Variants in YARS1 observed in about 807,000 individuals in gnomAD.
The protein encoded by YARS1 is tyrosyl-tRNA synthetase 1, also known as tyrosine--tRNA ligase, cytoplasmic.
Under a neutral mutation model 62.2 loss-of-function variants are expected in YARS1, and 36 were observed. The observed-to-expected ratio is 0.58, with a 90% CI of 0.44 to 0.76. The LOEUF (loss-of-function observed/expected upper bound fraction) is 0.76. Ranked by LOEUF, YARS1 falls within the 30% of genes least tolerant of loss-of-function variation. The pLI is 0.00. For missense variants in YARS1, 524 were observed against 639.8 expected, an observed-to-expected ratio of 0.82 and a Z score of 1.95; for synonymous variants, 234 against 244.9, an observed-to-expected ratio of 0.96 and a Z score of 0.42.
chr1:32,810,811 T>C lies in YARS1; in HGVS notation c.205-45A>G, dbSNP rs774326296. On this transcript the variant is annotated intron_variant, in intron 2 of 12. Transcript: ENST00000373477. The stretch of plus-strand genomic sequence containing the variant: ...CCACCAAAATGTGAATTTGTCCAAT[T>C]ACCTCCAACCTGTCTCCTCCAGCCC... The C allele has an allele frequency of 7.9e-5, 128 of 1,614,110 alleles. No individual in the cohort carries two copies. In the Admixed American group the frequency reaches 1.1e-3, roughly 14 times the overall value.
chr1:32,781,045 T>C lies in YARS1; in HGVS notation c.1140+3A>G. ...TCTCTGAGATGTGGTGAAAAATGAGTACCTTCTCCACAGTGATGATTTTCC... is the reference window on the plus strand; with the variant it reads ...TCTCTGAGATGTGGTGAAAAATGAGCACCTTCTCCACAGTGATGATTTTCC... On this transcript the variant is annotated splice_donor_region_variant and intron_variant, in intron 10 of 12. Coordinates refer to ENST00000373477, the MANE Select transcript of YARS1 (RefSeq NM_003680.4). 1 of 1,613,694 alleles carries C rather than the reference T, an allele frequency of 6.2e-7. No individual in the cohort carries two copies. Among genetic ancestry groups the C allele is most frequent in the Non-Finnish European group, 8.5e-7 (1 of 1,179,580 alleles).
At chr1:32,787,635 G>C (rs907189497) in intron 6 of YARS1, among the ~76,000 whole-genome samples, 1 of 151,430 alleles carries the variant, frequency 6.6e-6, no homozygotes, top group South Asian at 2.1e-4. Flanking sequence ...TCAGCCTCCC[G>C]AATAGCTGGG....
At chr1:32,798,022 C>A in intron 4 of YARS1, 179 bp from the exon 5 acceptor site, 1 of 586,556 alleles carries the variant, frequency 1.7e-6, no homozygotes, top group Non-Finnish European at 3.1e-6. Flanking sequence ...AGACATGCAC[C>A]ACCACGCCCG....
chr1:32,815,279 G>A lies in YARS1; in HGVS notation c.57+1909C>T, dbSNP rs1251298182. ...CAGGAGAATCACTTGAGCCCAGGAG[G>A]CAGAGGTTGCAGTGAGCTGAGATTG... On this transcript the variant is annotated intron_variant, in intron 1 of 12. Transcript: ENST00000373477. Among the ~76,000 whole-genome samples the A allele has an allele frequency of 2.0e-5, 3 of 152,230 alleles. No homozygotes were observed. In the East Asian group the frequency reaches 5.8e-4, roughly 29 times the overall value.
intron 8 of YARS1, among the ~76,000 whole-genome samples, chr1:32,784,037 G>A (rs956552914): frequency 1.4e-5 from 2 of 147,812 alleles, no homozygotes; most frequent in Non-Finnish European, 3.0e-5. Flanking sequence ...ACATGGTCTC[G>A]CTCTGTTACC....
At chr1:32,795,276 G>A (rs1364311094) in intron 5 of YARS1, among the ~76,000 whole-genome samples, 4 of 151,880 alleles carry the variant, frequency 2.6e-5, no homozygotes, top group East Asian at 1.9e-4. Flanking sequence ...CCGAGATGGC[G>A]CTATTGCACT....
In YARS1 at chr1:32,802,764, T is replaced by A. The variant is rs187912104; in HGVS notation, c.510+3718A>T. Among the ~76,000 whole-genome samples, 8 of 152,298 alleles carry A rather than the reference T, an allele frequency of 5.3e-5. No homozygotes were observed. The East Asian group carries it at 1.4e-3, about 26-fold the overall frequency. On this transcript the variant is annotated intron_variant, in intron 4 of 12. Coordinates refer to ENST00000373477, the MANE Select transcript of YARS1 (RefSeq NM_003680.4). ...TAAATCATACTGTTAACAGACGTGC[T>A]ACTATCCAGGCTTTGTTGTTCCATT... is the stretch of plus-strand genomic sequence containing the variant.
At chr1:32,805,252 AGG>A (rs1638431160) in intron 4 of YARS1, among the ~76,000 whole-genome samples, 26 of 24,066 alleles carry the variant, frequency 1.1e-3, no homozygotes, top group South Asian at 8.0e-3. Context: ...AGAGGGGGAG[AGG>A]GGGAGAGGGG....
In YARS1 at chr1:32,782,524, C is replaced by G; in HGVS notation, c.922G>C (p.Asp308His). 1.2e-6 allele frequency: 2 copies of G among 1,614,136 alleles called. No homozygotes were observed. The highest frequency in any genetic ancestry group is 1.7e-6 in the Non-Finnish European group (2 of 1,180,034). Reference protein sequence around the residue: ...DFAAEVVHPGDLKNSVEVALN... With the variant: ...DFAAEVVHPGHLKNSVEVALN... ...GCGACTTCAACAGAATTCTTCAGGT[C>G]TCCAGGATGTACAACCTGCAGAATC... The change falls in exon 9 of 13, where the codon GAC becomes CAC. Residue 308 changes from aspartate (D) to histidine (H), a missense_variant. Transcript: ENST00000373477.
intron 5 of YARS1, 36 bp from the exon 6 acceptor site, chr1:32,791,290 A>C (rs979161792): frequency 2.6e-6 from 4 of 1,559,086 alleles, no homozygotes; most frequent in Non-Finnish European, 3.5e-6. Flanking sequence ...AGCCGATATT[A>C]GTCTAAGTTC....
At chr1:32,792,450 C>T (rs1369066398) in intron 5 of YARS1, among the ~76,000 whole-genome samples, 1 of 152,158 alleles carries the variant, frequency 6.6e-6, no homozygotes, top group Non-Finnish European at 1.5e-5. Context: ...TCTATAATCC[C>T]TTTGATACAC....
chr1:32,790,887 A>G (rs1653393064), intron 6 of YARS1: 2 of 424,596 alleles, frequency 4.7e-6, no homozygotes. Flanking sequence ...TCTCATTAAT[A>G]AGGCTGAATT....
intron 12 of YARS1, among the ~76,000 whole-genome samples, chr1:32,778,810 C>T (rs189791218): frequency 1.4e-5 from 2 of 147,170 alleles, no homozygotes; most frequent in Non-Finnish European, 3.0e-5. Flanking sequence ...GTGATCTTGG[C>T]TCATTGCAAC....
In YARS1 at chr1:32,779,465, CA is replaced by C; in HGVS notation, c.1392del (p.Glu465SerfsTer5). ...PLDPPAGSAP[G>X]EHVFVKGYEK... ...TCATAGCCCTTCACAAACACGTGCT[CA>C]CCAGGAGCAGAGCCTGCCGGAGGGT... On this transcript the variant is annotated frameshift_variant, in exon 12 of 13. Transcript: ENST00000373477. LOFTEE classifies it high-confidence loss of function. The C allele has an allele frequency of 1.3e-5, 21 of 1,614,216 alleles. No individual in the cohort carries two copies. The highest frequency in any genetic ancestry group is 1.8e-5 in the Non-Finnish European group (21 of 1,180,040).
At chr1:32,789,953 G>C (rs1453258717) in intron 6 of YARS1, among the ~76,000 whole-genome samples, 1 of 149,358 alleles carries the variant, frequency 6.7e-6, no homozygotes, top group Non-Finnish European at 1.5e-5. Flanking sequence ...GTGTGATCTT[G>C]GCTCACTGCA....
rs560558846 is a variant in YARS1, at chr1:32,776,163, G to C, written c.1477-72C>G. 3.7e-4 allele frequency: 484 copies of C among 1,308,126 alleles called. 2 individuals are homozygous for C. The highest frequency in any genetic ancestry group is 2.8e-3 in the South Asian group (224 of 79,908). The allele number at this position is 1,308,126 out of a possible 1,614,324, so 81.0% of individuals were successfully genotyped here. A position where few individuals can be genotyped will look rare whatever the true frequency, so the allele number is the denominator to read the frequency against. ...CAAGAAAACCCCCCCTTTTTTGGAG[G>C]GGGGGCAGAGTTTTGCTCTTGTTGC... On this transcript the variant is annotated intron_variant, in intron 12 of 12. Coordinates refer to ENST00000373477, the MANE Select transcript of YARS1 (RefSeq NM_003680.4). The surrounding 1 kb of genome is among the most constrained non-coding windows in gnomAD (Gnocchi z 4.0).
At chr1:32,805,872 G>C (rs924659490) in intron 4 of YARS1, among the ~76,000 whole-genome samples, 1 of 152,184 alleles carries the variant, frequency 6.6e-6, no homozygotes, top group Non-Finnish European at 1.5e-5. Flanking sequence ...CTGAGGCAGA[G>C]AATTGCTTGA....
intron 11 of YARS1, 25 bp from the exon 12 acceptor site, chr1:32,779,548 G>T: frequency 6.2e-7 from 1 of 1,614,150 alleles, no homozygotes; most frequent in Non-Finnish European, 8.5e-7. Flanking sequence ...GACAAGAGAA[G>T]AGTGAGGCTA....
intron 5 of YARS1, 43 bp downstream of exon 5, chr1:32,797,720 C>T (rs1653650061): frequency 2.6e-6 from 4 of 1,528,252 alleles, no homozygotes; most frequent in Non-Finnish European, 3.6e-6. Context: ...AGCTGCATAC[C>T]TCTGAGGTGC....
Sources: allele counts gnomAD v4.1 joint callset (sites outside exome capture counted in the v4.1 genomes callset), GRCh38; gene constraint gnomAD v4.1.1; non-coding constraint Gnocchi (gnomAD v3.1); transcripts MANE v1.5; gene names NCBI Gene and HGNC (gene_info 2026-07-23, HGNC 2026-07-21).